The following PTPRD variants were observed in gnomAD, a reference collection of about 807,000 sequenced individuals.
PTPRD encodes protein tyrosine phosphatase receptor type D.
PTPRD carries 34 observed loss-of-function variants against 214.5 expected under a neutral mutation model. The ratio of observed to expected loss-of-function variants is 0.16; its 90% CI spans 0.12 to 0.21. The LOEUF (loss-of-function observed/expected upper bound fraction) is 0.21, where lower values mean the gene tolerates loss of function less well. Among genes scored for constraint, PTPRD ranks in the 10% least tolerant of loss-of-function variants. The pLI is 1.00. For synonymous variants in PTPRD, 1,128 were observed against 845.7 expected (o/e 1.33, Z -5.79); for missense variants, 2,545 against 2,398.7 (o/e 1.06, Z -1.27).
At chr9:10,314,814 G>A (rs888184163) in intron 3 of PTPRD, among the ~76,000 whole-genome samples, 85 of 152,046 alleles carry the variant, frequency 5.6e-4, no homozygotes, top group African/African-American at 1.9e-3. Context: ...AGGATTAGAA[G>A]TTATGTCTTC....
intron 14 of PTPRD, among the ~76,000 whole-genome samples, chr9:8,621,577 CAG>C (rs561678720): frequency 1.4e-3 from 209 of 151,860 alleles, no homozygotes; most frequent in Non-Finnish European, 2.3e-3. Context: ...TCATTTAAGT[CAG>C]AGTGAATTCT....
chr9:9,722,207 C>T (rs561935738), intron 7 of PTPRD, among the ~76,000 whole-genome samples: 1 of 151,986 alleles, frequency 6.6e-6, no homozygotes, highest in African/African-American at 2.4e-5. Context: ...TTTAAATCCC[C>T]AAAAGAAATC....
chr9:10,118,109 A>C (rs1273856986), intron 3 of PTPRD, among the ~76,000 whole-genome samples: 1 of 151,976 alleles, frequency 6.6e-6, no homozygotes, highest in Non-Finnish European at 1.5e-5. Flanking sequence ...AAAGTCATCT[A>C]CCTGTGAGGT....
At chr9:8,496,401 T>G (rs1409048696) in intron 26 of PTPRD, among the ~76,000 whole-genome samples, 1 of 152,200 alleles carries the variant, frequency 6.6e-6, no homozygotes, top group Non-Finnish European at 1.5e-5. Context: ...CTGCGTTCTA[T>G]GAAACTTTTC....
At chr9:8,727,014 T>A (rs896885307) in intron 12 of PTPRD, among the ~76,000 whole-genome samples, 4 of 151,666 alleles carry the variant, frequency 2.6e-5, no homozygotes, top group African/African-American at 9.7e-5. Flanking sequence ...ATCAGGTACA[T>A]AGAAACAGAA....
intron 3 of PTPRD, among the ~76,000 whole-genome samples, chr9:10,274,486 T>C (rs943599921): frequency 3.3e-5 from 5 of 152,142 alleles, no homozygotes; most frequent in Admixed American, 6.5e-5. Context: ...GAGAATTTGG[T>C]TTGCGCTAGT....
chr9:9,893,172 A>G (rs1457787657), intron 5 of PTPRD, among the ~76,000 whole-genome samples: 2 of 152,104 alleles, frequency 1.3e-5, no homozygotes, highest in Non-Finnish European at 2.9e-5. Context: ...ATGGCTGCAC[A>G]CACTAAAGTA....
intron 5 of PTPRD, among the ~76,000 whole-genome samples, chr9:9,838,477 T>G (rs1441705365): frequency 5.5e-4 from 84 of 152,122 alleles, no homozygotes; most frequent in African/African-American, 1.3e-3. Flanking sequence ...GGTGTGAGAT[T>G]GTATCTCATT....
At chr9:8,443,731 G>C (rs1415564145) in intron 34 of PTPRD, among the ~76,000 whole-genome samples, 1 of 152,102 alleles carries the variant, frequency 6.6e-6, no homozygotes, top group African/African-American at 2.4e-5. Flanking sequence ...CTTTAATATT[G>C]AATATGCAGG....
chr9:10,495,014 A>G (rs1383663578), intron 2 of PTPRD, among the ~76,000 whole-genome samples: 1 of 151,818 alleles, frequency 6.6e-6, no homozygotes, highest in Non-Finnish European at 1.5e-5. Flanking sequence ...GTCGTGCTCA[A>G]GGTAAATAAT....
At chr9:9,978,912 AAAC>A (rs1010966634) in intron 4 of PTPRD, among the ~76,000 whole-genome samples, 7 of 152,044 alleles carry the variant, frequency 4.6e-5, no homozygotes, top group Non-Finnish European at 5.9e-5. Context: ...ACAGGAATGA[AAAC>A]AACAACAACA....
chr9:8,678,735 C>G (rs72700344), intron 12 of PTPRD, among the ~76,000 whole-genome samples: 2 of 152,150 alleles, frequency 1.3e-5, no homozygotes, highest in Non-Finnish European at 2.9e-5. Context: ...ATAGAACAAA[C>G]TCCCTTATGT....
intron 9 of PTPRD, among the ~76,000 whole-genome samples, chr9:9,207,807 AT>A (rs1375549913): frequency 6.6e-6 from 1 of 152,036 alleles, no homozygotes; most frequent in African/African-American, 2.4e-5. Context: ...AACAACTCAA[AT>A]TTCCATCAAT....
chr9:10,379,451 G>A (rs575693757), intron 2 of PTPRD, among the ~76,000 whole-genome samples: 1 of 151,942 alleles, frequency 6.6e-6, no homozygotes, highest in East Asian at 1.9e-4. Context: ...CCAGATCTTA[G>A]AGGAAAGGCT....
chr9:9,453,870 G>C (rs2092612613), intron 8 of PTPRD, among the ~76,000 whole-genome samples: 1 of 151,640 alleles, frequency 6.6e-6, no homozygotes, highest in African/African-American at 2.4e-5. Flanking sequence ...TTTCATGAGT[G>C]CCACATTACT....
intron 9 of PTPRD, among the ~76,000 whole-genome samples, chr9:9,332,324 A>G (rs2042625198): frequency 1.3e-5 from 2 of 151,976 alleles, no homozygotes; most frequent in African/African-American, 2.4e-5. Context: ...ATACACTCAC[A>G]ATGCAGATAG....
At chr9:9,207,746 T>C (rs554420080) in intron 9 of PTPRD, among the ~76,000 whole-genome samples, 1 of 152,190 alleles carries the variant, frequency 6.6e-6, no homozygotes, top group Admixed American at 6.5e-5. Flanking sequence ...CTTAACAATA[T>C]TTGGTCAAAG....
intron 11 of PTPRD, among the ~76,000 whole-genome samples, chr9:8,863,486 C>G (rs2098141612): frequency 6.6e-6 from 1 of 152,112 alleles, no homozygotes; most frequent in South Asian, 2.1e-4. Flanking sequence ...GTATATTACA[C>G]TTATTTATAA....
chr9:8,402,933 A>G (rs181454860), intron 36 of PTPRD, among the ~76,000 whole-genome samples: 25 of 152,278 alleles, frequency 1.6e-4, no homozygotes, highest in Admixed American at 6.5e-4. Context: ...AAAAGGGATT[A>G]TAGTATTTTC....
Sources: gnomAD v4.1 joint callset for allele counts (sites outside exome capture counted in the v4.1 genomes callset) on GRCh38, gnomAD v4.1.1 for gene constraint, MANE v1.5 for transcripts, NCBI Gene and HGNC (gene_info 2026-07-23, HGNC 2026-07-21) for gene names.